Variants in SLX4IP observed in about 807,000 individuals in gnomAD.
SLX4IP encodes protein SLX4IP.
A neutral mutation model predicts 32.9 loss-of-function variants in SLX4IP; 34 were observed. The ratio of observed to expected loss-of-function variants is 1.03; its 90% CI spans 0.79 to 1.38. The LOEUF is 1.38. SLX4IP is among the 40% of genes most tolerant of loss of function. The probability of loss-of-function intolerance (pLI) is 0.00; values close to 1 mark genes in which losing one functional copy is unlikely to be tolerated. For missense variants in SLX4IP, 444 were observed against 479.0 expected (o/e 0.93, Z 0.68); for synonymous variants, 172 against 171.7 (o/e 1.00, Z -0.01).
intron 2 of SLX4IP, among the ~76,000 whole-genome samples, chr20:10,464,048 T>A (rs906039211): frequency 1.3e-5 from 2 of 152,182 alleles, no homozygotes; most frequent in Admixed American, 6.5e-5. Flanking sequence ...AAGACATTCG[T>A]AGGATAAACA....
chr20:10,504,217 T>C (rs2065740839), intron 2 of SLX4IP, among the ~76,000 whole-genome samples: 1 of 152,308 alleles, frequency 6.6e-6, no homozygotes, highest in South Asian at 2.1e-4. Flanking sequence ...TTTTTGATCT[T>C]CAAACCTTGG....
Position 10,624,742 on chromosome 20 carries a change from A to G in SLX4IP, c.*1363A>G, listed in dbSNP as rs2067153938. On this transcript the variant is annotated 3_prime_UTR_variant, in exon 8 of 8. Transcript: ENST00000334534. ...TGTAGGTTCATGCTTGAGATGGATT[A>G]GTGGTTTATTCCATCCCGTTCTATC... The G allele has an allele frequency of 6.6e-6, 1 of 152,178 alleles. No individual in the cohort carries two copies. Among genetic ancestry groups the G allele is most frequent in the African/African-American group, 2.4e-5 (1 of 41,442 alleles). 9.4% of individuals were successfully genotyped at this position (152,178 alleles called of 1,614,324 possible). A position where few individuals can be genotyped will look rare whatever the true frequency, so the allele number is the denominator to read the frequency against.
At chr20:10,513,478 T>G (rs982271983) in intron 2 of SLX4IP, among the ~76,000 whole-genome samples, 7 of 152,184 alleles carry the variant, frequency 4.6e-5, no homozygotes, top group Non-Finnish European at 7.4e-5. Flanking sequence ...TCTCATCCTA[T>G]CCATCTTAGG....
In SLX4IP at chr20:10,446,348, G is replaced by T. The variant is rs576712783; in HGVS notation, c.-30+10895G>T. ...AATCACTTGAACTCGGAGGGCAGAG[G>T]TTGCAGTGAGCCGAAATTGGGCCAC... On this transcript the variant is annotated intron_variant, in intron 1 of 7. Coordinates refer to ENST00000334534, the MANE Select transcript of SLX4IP (RefSeq NM_001009608.3). 6.2e-4 allele frequency among the ~76,000 whole-genome samples: 93 copies of T among 150,132 alleles called. 1 individual carries two copies. The highest frequency in any genetic ancestry group is 2.0e-3 in the African/African-American group (83 of 40,718).
At chr20:10,510,476 A>G (rs1451338804) in intron 2 of SLX4IP, among the ~76,000 whole-genome samples, 2 of 152,236 alleles carry the variant, frequency 1.3e-5, no homozygotes, top group Non-Finnish European at 2.9e-5. Context: ...AGCGGGGAGC[A>G]CGGAGCCCTG....
At position 10,482,870 on chromosome 20, in the gene SLX4IP, G is replaced by C. The variant is rs542282963; in HGVS notation, c.27+24639G>C. On this transcript the variant is annotated intron_variant, in intron 2 of 7. Transcript: ENST00000334534. ...CAGGTGAATTTTACGACATAAAATTGTACCTTAATAAACCTATTTTTAGAA... is the reference window on the plus strand; with the variant it reads ...CAGGTGAATTTTACGACATAAAATTCTACCTTAATAAACCTATTTTTAGAA... Among the ~76,000 whole-genome samples, 13 of 152,190 alleles carry C rather than the reference G, an allele frequency of 8.5e-5. No individual in the cohort carries two copies. The South Asian group carries it at 2.7e-3, about 32-fold the overall frequency.
At chr20:10,568,125 CTG>C (rs2066417330) in intron 4 of SLX4IP, among the ~76,000 whole-genome samples, 1 of 152,188 alleles carries the variant, frequency 6.6e-6, no homozygotes, top group South Asian at 2.1e-4. Context: ...CATTCAGAAA[CTG>C]TATTTTGAAA....
At chr20:10,621,187 C>T in intron 6 of SLX4IP, 127 bp from the exon 7 acceptor site, 1 of 813,118 alleles carries the variant, frequency 1.2e-6, no homozygotes, top group Non-Finnish European at 2.0e-6. Flanking sequence ...AAATAGCTTA[C>T]CACTGAGCAG....
At chr20:10,518,487 CCTTTT>C (rs2065875472) in intron 2 of SLX4IP, among the ~76,000 whole-genome samples, 2 of 48,694 alleles carry the variant, frequency 4.1e-5, no homozygotes, top group African/African-American at 1.2e-4. Context: ...CCTTTCCTTT[CCTTTT>C]CCTTCCTTCC....
intron 4 of SLX4IP, among the ~76,000 whole-genome samples, chr20:10,585,370 G>T (rs189060819): frequency 6.6e-6 from 1 of 152,006 alleles, no homozygotes. Flanking sequence ...CTCCATGTGG[G>T]CCCCTCTTTC....
At chr20:10,445,750 G>T (rs1360879431) in intron 1 of SLX4IP, among the ~76,000 whole-genome samples, 2 of 150,808 alleles carry the variant, frequency 1.3e-5, no homozygotes, top group African/African-American at 2.4e-5. Flanking sequence ...TCGGCCTCCT[G>T]AGTAGCTGGG....
At chr20:10,460,788 G>A (rs1467053781) in intron 2 of SLX4IP, among the ~76,000 whole-genome samples, 2 of 152,114 alleles carry the variant, frequency 1.3e-5, no homozygotes, top group Non-Finnish European at 2.9e-5. Context: ...TTGTTGGGGT[G>A]CGTCTATGGA....
intron 6 of SLX4IP, among the ~76,000 whole-genome samples, chr20:10,612,648 C>T (rs904373313): frequency 6.6e-6 from 1 of 152,056 alleles, no homozygotes; most frequent in Non-Finnish European, 1.5e-5. Flanking sequence ...CAGGTTCAAG[C>T]GATTCTCCTG....
intron 4 of SLX4IP, among the ~76,000 whole-genome samples, chr20:10,594,664 T>G (rs747096251): frequency 6.6e-6 from 1 of 152,200 alleles, no homozygotes; most frequent in Non-Finnish European, 1.5e-5. Context: ...AAACCATTAC[T>G]CATTGGAACA....
intron 2 of SLX4IP, among the ~76,000 whole-genome samples, chr20:10,471,006 A>T (rs945101059): frequency 2.0e-5 from 3 of 152,210 alleles, no homozygotes; most frequent in Non-Finnish European, 4.4e-5. Flanking sequence ...TTCTTCAGCT[A>T]TAAGGTAGGA....
At chr20:10,441,878 G>A (rs976735744) in intron 1 of SLX4IP, among the ~76,000 whole-genome samples, 1 of 151,874 alleles carries the variant, frequency 6.6e-6, no homozygotes, top group Non-Finnish European at 1.5e-5. Flanking sequence ...TTTTTCCTTG[G>A]TCTTTTGTTA....
chr20:10,487,064 C>T (rs1218447626), intron 2 of SLX4IP, among the ~76,000 whole-genome samples: 6 of 152,132 alleles, frequency 3.9e-5, no homozygotes, highest in Non-Finnish European at 5.9e-5. Context: ...GCCGCCTGCA[C>T]GCTTTTCTAA....
chr20:10,485,017 AG>A (rs1427112540), intron 2 of SLX4IP, among the ~76,000 whole-genome samples: 2 of 152,102 alleles, frequency 1.3e-5, no homozygotes, highest in East Asian at 3.9e-4. Context: ...ACTGAAGCCA[AG>A]GGGAGACCTG....
At chr20:10,445,564 C>G (rs1159684006) in intron 1 of SLX4IP, among the ~76,000 whole-genome samples, 1 of 150,298 alleles carries the variant, frequency 6.7e-6, no homozygotes, top group Non-Finnish European at 1.5e-5. Flanking sequence ...ATCCGCCCGC[C>G]TCAGCCTCCC....
Sources: allele counts gnomAD v4.1 joint callset (sites outside exome capture counted in the v4.1 genomes callset), GRCh38; gene constraint gnomAD v4.1.1; transcripts MANE v1.5; gene names NCBI Gene and HGNC (gene_info 2026-07-23, HGNC 2026-07-21).